Variants in TK2 observed in about 807,000 individuals in gnomAD.
TK2 encodes thymidine kinase 2, also known as thymidine kinase 2, mitochondrial.
TK2 carries 35 observed loss-of-function variants against 41.9 expected under a neutral mutation model. The observed-to-expected ratio is 0.84, with a 90% CI of 0.64 to 1.11. TK2 has a LOEUF of 1.11. Ranked by LOEUF, TK2 falls within the 50% of genes least tolerant of loss-of-function variation. The probability of loss-of-function intolerance (pLI) is 0.00; values close to 1 mark genes in which losing one functional copy is unlikely to be tolerated. For synonymous variants in TK2, 128 were observed against 129.1 expected, an observed-to-expected ratio of 0.99 and a Z score of 0.06; for missense variants, 320 against 351.1, an observed-to-expected ratio of 0.91 and a Z score of 0.71.
Position 66,541,894 on chromosome 16 carries a change from G to A in TK2, c.216C>T (p.Asn72=), listed in dbSNP as rs146364637. Residue 72 remains asparagine (N), a synonymous_variant, in exon 3 of 10, where the codon AAC becomes AAT. Coordinates refer to ENST00000544898, the MANE Select transcript of TK2 (RefSeq NM_004614.5). ...GKTTCLEFFS[N]ATDVEVLTEP... is the part of the protein sequence containing the mutation. ...GAGGCTGTACCTCGACGTCTGTCGC[G>A]TTGGAGAAGAATTCCAGGCATGTCG... 7.1e-5 allele frequency: 114 copies of A among 1,613,968 alleles called. No individual in the cohort carries two copies. The highest frequency in any genetic ancestry group is 4.0e-4 in the Admixed American group (24 of 59,992).
intron 2 of TK2, among the ~76,000 whole-genome samples, chr16:66,546,914 G>A (rs1416611780): frequency 2.0e-5 from 3 of 152,082 alleles, no homozygotes; most frequent in African/African-American, 7.2e-5. Flanking sequence ...ACCATGCCCA[G>A]CTAATTTTTT....
chr16:66,548,824 T>C, intron 2 of TK2, 154 bp downstream of exon 2: 1 of 733,074 alleles, frequency 1.4e-6, no homozygotes, highest in South Asian at 1.6e-5. Flanking sequence ...GAGGTGGCCT[T>C]CTAGGAGGGT....
rs552453714 is a variant in TK2 at position 66,530,779 on chromosome 16, A to G, written c.375+601T>C. On this transcript the variant is annotated intron_variant, in intron 5 of 9. Transcript: ENST00000544898. Reference sequence around the variant, plus strand: ...GTCACCCAGGCTGGAGTGCAGTGGTATGATCTCAGCTCACTGCAACCTCCG... The same window carrying G: ...GTCACCCAGGCTGGAGTGCAGTGGTGTGATCTCAGCTCACTGCAACCTCCG... Among the ~76,000 whole-genome samples the G allele has an allele frequency of 3.3e-5, 5 of 149,664 alleles. No individual in the cohort carries two copies. The South Asian group carries it at 8.4e-4, about 25-fold the overall frequency.
Position 66,514,920 on chromosome 16 carries a change from T to C in TK2, c.619-1109A>G, listed in dbSNP as rs1964565388. Reference sequence around the variant, plus strand: ...CTGTGTCCACTAAGGGTTAAATGGATTAAGGGCGATGCAAGATGTGCTTTG... The same window carrying C: ...CTGTGTCCACTAAGGGTTAAATGGACTAAGGGCGATGCAAGATGTGCTTTG... On this transcript the variant is annotated intron_variant, in intron 8 of 9. Coordinates refer to ENST00000544898, the MANE Select transcript of TK2 (RefSeq NM_004614.5). The surrounding 1 kb of genome is among the most constrained non-coding windows in gnomAD (Gnocchi z 4.2). 6.6e-6 allele frequency among the ~76,000 whole-genome samples: 1 copy of C among 152,086 alleles called. No individual in the cohort carries two copies. The highest frequency in any genetic ancestry group is 2.4e-5 in the African/African-American group (1 of 41,416).
At chr16:66,540,413 T>G (rs1965424064) in intron 3 of TK2, among the ~76,000 whole-genome samples, 1 of 152,070 alleles carries the variant, frequency 6.6e-6, no homozygotes, top group African/African-American at 2.4e-5. Context: ...GCTCAGGTGA[T>G]CCTCCCCCTT....
chr16:66,541,033 A>G (rs1158048211), intron 3 of TK2, among the ~76,000 whole-genome samples: 3 of 152,250 alleles, frequency 2.0e-5, no homozygotes, highest in Non-Finnish European at 4.4e-5. Context: ...CTGGAAACCG[A>G]TATGACACTT....
At chr16:66,543,459 A>T (rs188510654) in intron 2 of TK2, among the ~76,000 whole-genome samples, 119 of 152,288 alleles carry the variant, frequency 7.8e-4, no homozygotes, top group Admixed American at 2.4e-3. Flanking sequence ...GCAGATGGCC[A>T]CAGGGAACGG....
chr16:66,547,954 C>T (rs1274418876), intron 2 of TK2: 8 of 1,288,566 alleles, frequency 6.2e-6, no homozygotes, highest in Admixed American at 2.3e-5. Context: ...AATAAATAGC[C>T]AGGCACAGTG....
rs1378871590 is a variant in TK2, at chr16:66,510,845, C to T, written c.*1123G>A. The T allele has an allele frequency of 2.0e-5, 3 of 152,176 alleles. No individual in the cohort carries two copies. Among genetic ancestry groups the T allele is most frequent in the African/African-American group, 7.2e-5 (3 of 41,440 alleles). The allele number at this position is 152,176 out of a possible 1,614,324, so 9.4% of individuals were successfully genotyped here. A position where few individuals can be genotyped will look rare whatever the true frequency, so the allele number is the denominator to read the frequency against. On this transcript the variant is annotated 3_prime_UTR_variant, in exon 10 of 10. Coordinates refer to ENST00000544898, the MANE Select transcript of TK2 (RefSeq NM_004614.5). ...TTTTCTGCTTGATCCAAGGGGCAGCCTCGCCTTCAATGCAGTCCAGCTGAG... is the reference window on the plus strand; with the variant it reads ...TTTTCTGCTTGATCCAAGGGGCAGCTTCGCCTTCAATGCAGTCCAGCTGAG...
intron 6 of TK2, among the ~76,000 whole-genome samples, chr16:66,518,693 T>C (rs777962117): frequency 1.8e-4 from 27 of 152,150 alleles, no homozygotes; most frequent in Non-Finnish European, 3.7e-4. Context: ...ATGGAAAAAT[T>C]TCAAATCTAA....
chr16:66,540,885 G>A (rs900614189), intron 3 of TK2, among the ~76,000 whole-genome samples: 15 of 152,198 alleles, frequency 9.9e-5, no homozygotes, highest in Non-Finnish European at 1.9e-4. Context: ...TGAGCCACAG[G>A]CAACTATTAA....
chr16:66,528,814 T>C (rs1242460802), intron 6 of TK2, among the ~76,000 whole-genome samples, 180 bp downstream of exon 6: 2 of 152,190 alleles, frequency 1.3e-5, no homozygotes, highest in African/African-American at 4.8e-5. Flanking sequence ...GACTGGGCAA[T>C]GAATGCAGAT....
At position 66,549,015 on chromosome 16, in the gene TK2, A is replaced by G; in HGVS notation, c.125-6T>C. ...CTCTTTTTCCTGTTCTTTATCTACA[A>G]AAGAAAGGAAATCAGTTTTTAAACT... On this transcript the variant is annotated splice_polypyrimidine_tract_variant and splice_region_variant and intron_variant, in intron 1 of 9. Transcript: ENST00000544898. 1.2e-6 allele frequency: 2 copies of G among 1,613,722 alleles called. No homozygotes were observed. Among genetic ancestry groups the G allele is most frequent in the Non-Finnish European group, 1.7e-6 (2 of 1,179,716 alleles).
At chr16:66,527,145 G>A (rs1225087973) in intron 6 of TK2, among the ~76,000 whole-genome samples, 2 of 152,248 alleles carry the variant, frequency 1.3e-5, no homozygotes, top group Non-Finnish European at 2.9e-5. Flanking sequence ...AACCCAGGTT[G>A]TCAGGTGAAA....
At chr16:66,525,645 T>C (rs985967852) in intron 6 of TK2, among the ~76,000 whole-genome samples, 2 of 152,194 alleles carry the variant, frequency 1.3e-5, no homozygotes, top group Non-Finnish European at 1.5e-5. Context: ...CAGTAGCCTC[T>C]GGAGTGCCCG....
intron 2 of TK2, among the ~76,000 whole-genome samples, chr16:66,545,473 A>G (rs1965579136): frequency 6.6e-6 from 1 of 152,246 alleles, no homozygotes; most frequent in African/African-American, 2.4e-5. Flanking sequence ...AATACTATTC[A>G]GCTATAGGAA....
intron 2 of TK2, among the ~76,000 whole-genome samples, chr16:66,542,776 C>G (rs904208542): frequency 2.0e-5 from 3 of 152,176 alleles, no homozygotes; most frequent in African/African-American, 7.2e-5. Context: ...TCTGGCTATA[C>G]GCTAGGACCA....
intron 6 of TK2, among the ~76,000 whole-genome samples, chr16:66,527,092 A>G (rs1396607460): frequency 6.6e-6 from 1 of 152,212 alleles, no homozygotes; most frequent in Non-Finnish European, 1.5e-5. Flanking sequence ...GCAGGAGCTG[A>G]GGACCGCAGA....
At chr16:66,529,274 T>C (rs955786017) in intron 5 of TK2, among the ~76,000 whole-genome samples, 7 of 152,278 alleles carry the variant, frequency 4.6e-5, no homozygotes, top group African/African-American at 1.7e-4. Context: ...GTGTCCCCCT[T>C]CCACCCTGAC....
Sources: allele counts gnomAD v4.1 joint callset (sites outside exome capture counted in the v4.1 genomes callset), GRCh38; gene constraint gnomAD v4.1.1; non-coding constraint Gnocchi (gnomAD v3.1); transcripts MANE v1.5; gene names NCBI Gene and HGNC (gene_info 2026-07-23, HGNC 2026-07-21).